Variants in DST observed in about 807,000 individuals in gnomAD.
The protein encoded by DST is bullous pemphigoid antigen.
A neutral mutation model predicts 875.2 loss-of-function variants in DST; 253 were observed. The observed-to-expected ratio is 0.29, with a 90% CI of 0.26 to 0.32. The LOEUF (loss-of-function observed/expected upper bound fraction) is 0.32. Ranked by LOEUF, DST falls within the 10% of genes least tolerant of loss-of-function variation. The pLI, the probability that DST is intolerant of heterozygous loss-of-function variation, is 1.00. For missense variants in DST, 8,287 were observed against 9,111.6 expected, an observed-to-expected ratio of 0.91 and a Z score of 3.68; for synonymous variants, 3,124 against 3,197.1, an observed-to-expected ratio of 0.98 and a Z score of 0.77.
chr6:56,918,572 G>T (rs1311630810), intron 2 of DST, among the ~76,000 whole-genome samples: 1 of 152,166 alleles, frequency 6.6e-6, no homozygotes, highest in Admixed American at 6.5e-5. Flanking sequence ...TTACTTAGAA[G>T]TGGTATTTCC....
rs1279612710 is a variant in DST at position 56,501,217 on chromosome 6, G to C, written c.19759C>G (p.Leu6587Val). 6.3e-7 allele frequency: 1 copy of C among 1,599,918 alleles called. No individual in the cohort carries two copies. Among genetic ancestry groups the C allele is most frequent in the Non-Finnish European group, 8.5e-7 (1 of 1,175,844 alleles). ...INRQHKLEGA[L>V]LALGQFQHAL... Reference sequence around the variant, plus strand: ...TGTTGGAACTGACCCAAGGCTAATAGAGCACCCTCCAGTTTATGCTACAGA... The same window carrying C: ...TGTTGGAACTGACCCAAGGCTAATACAGCACCCTCCAGTTTATGCTACAGA... Residue 6587 changes from leucine (L) to valine (V), a missense_variant, in exon 80 of 104, where the codon CTA (leucine) becomes GTA (valine). Leu to Val is a conservative substitution (Grantham distance 32). Transcript: ENST00000680361.
At chr6:56,569,703 C>G (rs1379888272) in intron 54 of DST, among the ~76,000 whole-genome samples, 153 bp downstream of exon 54, 3 of 151,910 alleles carry the variant, frequency 2.0e-5, no homozygotes. Context: ...TTAGTTAAGC[C>G]CCATGCCATG....
At position 56,606,226 on chromosome 6, in the gene DST, C is replaced by T. The variant is rs1232202974; in HGVS notation, c.8402G>A (p.Ser2801Asn). The change falls in exon 40 of 104, where the codon AGT becomes AAT. Residue 2801 changes from serine (S) to asparagine (N), a missense_variant. Transcript: ENST00000680361. ...EESYGDYIYDSNDQDDDDDDG... is the reference protein window; with the variant it reads ...EESYGDYIYDNNDQDDDDDDG... ...ATCATCATCGTCATCCTGATCATTA[C>T]TGTCATATATATAATCCCCATAACT... 6.4e-7 allele frequency: 1 copy of T among 1,567,580 alleles called. No homozygotes were observed. Among genetic ancestry groups the T allele is most frequent in the South Asian group, 1.2e-5 (1 of 86,660 alleles).
At position 56,872,838 on chromosome 6, in the gene DST, T is replaced by TTC. The variant is rs1332033571; in HGVS notation, c.418-21235_418-21234insGA. 2.7e-3 allele frequency among the ~76,000 whole-genome samples: 381 copies of TTC among 139,388 alleles called. 8 individuals are homozygous for TTC. Among genetic ancestry groups the TTC allele is most frequent in the Non-Finnish European group, 4.4e-3 (279 of 63,632 alleles). 91.4% of individuals were successfully genotyped at this position (139,388 alleles called of 152,430 possible). A position where few individuals can be genotyped will look rare whatever the true frequency, so the allele number is the denominator to read the frequency against. On this transcript the variant is annotated intron_variant, in intron 3 of 103. Transcript: ENST00000680361. ...TACACTGATTCCCCCCCCCCTTTTT[T>TTC]TTTTTTTCGGATATATACCCAGCAG...
intron 3 of DST, 165 bp from the exon 4 acceptor site, chr6:56,851,769 A>G (rs371584142): frequency 7.1e-6 from 11 of 1,551,712 alleles, no homozygotes; most frequent in African/African-American, 6.8e-5. Flanking sequence ...AAACCAAAAA[A>G]ATAAAACCCG....
intron 36 of DST, chr6:56,617,326 A>G: frequency 1.2e-6 from 2 of 1,613,914 alleles, no homozygotes; most frequent in Non-Finnish European, 8.5e-7. Context: ...TGCACCCTTC[A>G]AGCATCCATT....
chr6:56,712,090 C>CAAAA (rs34769867), intron 5 of DST, among the ~76,000 whole-genome samples: 1,174 of 76,518 alleles, frequency 0.015, 40 homozygotes, highest in African/African-American at 0.042. Context: ...GACTCCGTCT[C>CAAAA]AAAAAAAAAA....
chr6:56,599,232 A>C (rs1465583848), intron 45 of DST, among the ~76,000 whole-genome samples: 1 of 152,034 alleles, frequency 6.6e-6, no homozygotes, highest in Non-Finnish European at 1.5e-5. Context: ...TCTCCTTAGT[A>C]GTTATAGCTT....
chr6:56,624,504 A>G (rs1282895485), intron 36 of DST, 26 bp downstream of exon 36: 1 of 1,473,544 alleles, frequency 6.8e-7, no homozygotes, highest in South Asian at 1.1e-5. Context: ...CTTTATATTT[A>G]CAGGGTGCTC....
intron 10 of DST, among the ~76,000 whole-genome samples, chr6:56,652,822 A>T (rs2098984156): frequency 1.3e-5 from 2 of 152,210 alleles, no homozygotes; most frequent in African/African-American, 4.8e-5. Context: ...TGACCCTACA[A>T]TTATTATAGG....
rs2095667657 is a variant in DST, at chr6:56,489,470, CT to C, written c.20877+19del. ...GAACTATATAATGAGACAATATGCT[CT>C]TCTTAATTATGGACCCACCTTATGT... On this transcript the variant is annotated intron_variant, in intron 86 of 103. Coordinates refer to ENST00000680361, the MANE Select transcript of DST (RefSeq NM_001374736.1). 1 of 1,604,218 alleles carries C rather than the reference CT, an allele frequency of 6.2e-7. No homozygotes were observed. Among genetic ancestry groups the C allele is most frequent in the Non-Finnish European group, 8.5e-7 (1 of 1,175,830 alleles).
chr6:56,599,047 A>G (rs1313756959), intron 45 of DST, among the ~76,000 whole-genome samples: 1 of 152,110 alleles, frequency 6.6e-6, no homozygotes, highest in Non-Finnish European at 1.5e-5. Context: ...GCTTGTAAAT[A>G]TATGCTAATA....
chr6:56,556,876 A>G (rs2097429694), intron 59 of DST, among the ~76,000 whole-genome samples: 1 of 152,078 alleles, frequency 6.6e-6, no homozygotes, highest in South Asian at 2.1e-4. Flanking sequence ...TCTCTCCTCC[A>G]TCAGGACTCA....
At chr6:56,527,770 A>G (rs762300743) in intron 67 of DST, 36 bp from the exon 68 acceptor site, 1 of 1,544,562 alleles carries the variant, frequency 6.5e-7, no homozygotes, top group African/African-American at 1.4e-5. Context: ...CTTATGAAGG[A>G]AAAAAAAGGC....
intron 4 of DST, among the ~76,000 whole-genome samples, chr6:56,808,437 T>A (rs2099755851): frequency 6.6e-6 from 1 of 152,172 alleles, no homozygotes; most frequent in Non-Finnish European, 1.5e-5. Context: ...ATAATAAAAC[T>A]TAATGCAGTG....
At chr6:56,502,685 C>T (rs951261532) in intron 78 of DST, among the ~76,000 whole-genome samples, 5 of 151,990 alleles carry the variant, frequency 3.3e-5, no homozygotes, top group Non-Finnish European at 7.4e-5. Context: ...CATAATTGTA[C>T]ATAAAGTATA....
intron 49 of DST, among the ~76,000 whole-genome samples, chr6:56,587,669 G>A (rs780916112): frequency 4.6e-5 from 7 of 152,148 alleles, no homozygotes; most frequent in African/African-American, 1.2e-4. Flanking sequence ...GAGAAAGGTC[G>A]AGTTACCCAC....
chr6:56,529,194 G>A (rs1233169686), intron 66 of DST, among the ~76,000 whole-genome samples: 1 of 152,102 alleles, frequency 6.6e-6, no homozygotes, highest in East Asian at 1.9e-4. Context: ...TGGACATACT[G>A]AAGTACTGGT....
rs1297316301 is a variant in DST, at chr6:56,600,140, T to TCACC, written c.11622_11623insGGTG (p.Ile3875GlyfsTer16). The TCACC allele has an allele frequency of 1.2e-6, 2 of 1,613,066 alleles. No homozygotes were observed. Among genetic ancestry groups the TCACC allele is most frequent in the Non-Finnish European group, 1.7e-6 (2 of 1,179,226 alleles). ...ATCATGAAGGCTTCTTGGTGACCAA[T>TCACC]TAGGCGGTTTTCAGTTTGGGTAAGA... On this transcript the variant is annotated frameshift_variant, in exon 45 of 104. Coordinates refer to ENST00000680361, the MANE Select transcript of DST (RefSeq NM_001374736.1). LOFTEE classifies it high-confidence loss of function.
Sources: gnomAD v4.1 joint callset for allele counts (sites outside exome capture counted in the v4.1 genomes callset) on GRCh38, gnomAD v4.1.1 for gene constraint, MANE v1.5 for transcripts, NCBI Gene and HGNC (gene_info 2026-07-23, HGNC 2026-07-21) for gene names.